CWC27: variants seen among roughly 807,000 people sequenced by gnomAD.
CWC27 encodes the protein CWC27 spliceosome associated cyclophilin.
A neutral mutation model predicts 63.6 loss-of-function variants in CWC27; 47 were observed. The observed-to-expected ratio is 0.74, with a 90% CI of 0.58 to 0.94. CWC27 has a LOEUF of 0.94. Among genes scored for constraint, CWC27 ranks in the 40% least tolerant of loss-of-function variants. CWC27 has a pLI of 0.00. For synonymous variants in CWC27, 175 were observed against 179.8 expected, an observed-to-expected ratio of 0.97 and a Z score of 0.22; for missense variants, 495 against 554.3, an observed-to-expected ratio of 0.89 and a Z score of 1.07.
At chr5:64,825,485 A>G (rs1219544000) in intron 10 of CWC27, among the ~76,000 whole-genome samples, 6 of 152,182 alleles carry the variant, frequency 3.9e-5, no homozygotes. Flanking sequence ...GATCTGTATT[A>G]GTATGGCTTG....
intron 11 of CWC27, among the ~76,000 whole-genome samples, chr5:64,896,206 T>C (rs1213488484): frequency 6.6e-6 from 1 of 152,178 alleles, no homozygotes; most frequent in Admixed American, 6.5e-5. Context: ...AGGCAGAATC[T>C]TATTTTCAAT....
chr5:64,777,283 G>A (rs1743491025), intron 2 of CWC27, among the ~76,000 whole-genome samples: 1 of 151,894 alleles, frequency 6.6e-6, no homozygotes, highest in Admixed American at 6.6e-5. Flanking sequence ...TAATTCTTTA[G>A]AGTGACAAAT....
chr5:64,949,619 G>A, intron 11 of CWC27, among the ~76,000 whole-genome samples: 1 of 151,874 alleles, frequency 6.6e-6, no homozygotes, highest in East Asian at 1.9e-4. Flanking sequence ...GGTATGCAAG[G>A]CCCTATATGG....
At chr5:64,772,101 G>A (rs76965692) in intron 1 of CWC27, among the ~76,000 whole-genome samples, 4,098 of 152,182 alleles carry the variant, frequency 0.027, 184 homozygotes, top group African/African-American at 0.093. Context: ...GATAGTGTGC[G>A]CAAGGTAACA....
At chr5:64,968,646 T>C (rs1248269727) in intron 11 of CWC27, among the ~76,000 whole-genome samples, 1 of 152,050 alleles carries the variant, frequency 6.6e-6, no homozygotes, top group African/African-American at 2.4e-5. Flanking sequence ...ATGGCAAAAA[T>C]GTGGTGCCAG....
chr5:64,804,114 T>TA (rs200513803), intron 9 of CWC27, 115 bp from the exon 10 acceptor site: 171,742 of 752,930 alleles, frequency 0.23, 6,599 homozygotes, highest in East Asian at 0.37. Context: ...GAAAACAAAA[T>TA]AAAAAAAAAA....
At position 64,980,399 on chromosome 5, in the gene CWC27, TGA is replaced by T. The variant is rs1251007908; in HGVS notation, c.1256+3162_1256+3163del. Among the ~76,000 whole-genome samples the T allele has an allele frequency of 6.6e-5, 10 of 152,332 alleles. No homozygotes were observed. The East Asian group carries it at 1.9e-3, about 29-fold the overall frequency. ...ATATGCCAAATTGGGTTTGGTTAGA[TGA>T]AGCTTGGTGAGCTCCCAAAAAAGTT... On this transcript the variant is annotated intron_variant, in intron 13 of 13. Transcript: ENST00000381070.
At chr5:64,873,010 T>G (rs1261381319) in intron 10 of CWC27, among the ~76,000 whole-genome samples, 1 of 152,168 alleles carries the variant, frequency 6.6e-6, no homozygotes, top group Admixed American at 6.5e-5. Context: ...TTAATATTTT[T>G]CCTAATGACT....
At chr5:64,896,778 A>C (rs1747387022) in intron 11 of CWC27, among the ~76,000 whole-genome samples, 1 of 152,306 alleles carries the variant, frequency 6.6e-6, no homozygotes, top group East Asian at 1.9e-4. Context: ...CATGAGAGAT[A>C]GGAGAAATAA....
intron 10 of CWC27, among the ~76,000 whole-genome samples, chr5:64,874,393 C>T (rs1746746185): frequency 6.6e-6 from 1 of 151,548 alleles, no homozygotes; most frequent in Non-Finnish European, 1.5e-5. Flanking sequence ...AACTCCTGAC[C>T]TCGTTCGTGA....
At chr5:65,004,851 A>C (rs72647209) in intron 13 of CWC27, among the ~76,000 whole-genome samples, 1 of 110,740 alleles carries the variant, frequency 9.0e-6, no homozygotes, top group African/African-American at 3.4e-5. Flanking sequence ...TTCAGAGGGA[A>C]AGACTTTTTC....
intron 10 of CWC27, among the ~76,000 whole-genome samples, chr5:64,807,066 C>G (rs1744702877): frequency 1.3e-5 from 2 of 152,124 alleles, no homozygotes; most frequent in African/African-American, 4.8e-5. Context: ...AGTGTGATAT[C>G]ATTATCTATT....
rs372074217 is a variant in CWC27, at chr5:64,980,911, G to A, written c.1256+3673G>A. On this transcript the variant is annotated intron_variant, in intron 13 of 13. Coordinates refer to ENST00000381070, the MANE Select transcript of CWC27 (RefSeq NM_005869.4). ...GTTTGAGACCAGCCTGGCCAACATGGCGAAACCCCATCTCTACTAAAAGTA... is the reference window on the plus strand; with the variant it reads ...GTTTGAGACCAGCCTGGCCAACATGACGAAACCCCATCTCTACTAAAAGTA... Among the ~76,000 whole-genome samples the A allele has an allele frequency of 4.5e-4, 68 of 152,256 alleles. No homozygotes were observed. In the South Asian group the frequency reaches 0.014, roughly 31 times the overall value.
intron 4 of CWC27, 40 bp downstream of exon 4, chr5:64,784,019 G>T (rs958509793): frequency 8.0e-6 from 12 of 1,501,848 alleles, no homozygotes; most frequent in Admixed American, 4.6e-5. Flanking sequence ...TTCAGTTTTT[G>T]GTTTTATGTT....
chr5:64,848,560 G>T (rs962985298), intron 10 of CWC27, among the ~76,000 whole-genome samples: 2 of 152,068 alleles, frequency 1.3e-5, no homozygotes, highest in African/African-American at 2.4e-5. Flanking sequence ...GTCAATATTC[G>T]TGATGAGCAT....
intron 11 of CWC27, among the ~76,000 whole-genome samples, chr5:64,936,990 TTTC>T (rs1397632648): frequency 6.6e-6 from 1 of 152,212 alleles, no homozygotes; most frequent in Non-Finnish European, 1.5e-5. Context: ...TCTTCTCTTT[TTTC>T]TTCTTTATTA....
intron 11 of CWC27, among the ~76,000 whole-genome samples, chr5:64,954,695 T>C (rs1412373070): frequency 7.2e-6 from 1 of 138,614 alleles, no homozygotes; most frequent in African/African-American, 3.2e-5. Context: ...TATATATATA[T>C]GCATATAGAA....
intron 11 of CWC27, among the ~76,000 whole-genome samples, chr5:64,920,110 C>A (rs1372293942): frequency 6.6e-6 from 1 of 152,026 alleles, no homozygotes; most frequent in Non-Finnish European, 1.5e-5. Flanking sequence ...GGATTACAGG[C>A]ACCCGCCATC....
intron 11 of CWC27, among the ~76,000 whole-genome samples, chr5:64,888,556 AAT>A (rs1349964583): frequency 6.8e-6 from 1 of 147,782 alleles, no homozygotes; most frequent in East Asian, 1.9e-4. Context: ...TATTATATAA[AAT>A]ATATTTATAA....
Sources: allele counts gnomAD v4.1 joint callset (sites outside exome capture counted in the v4.1 genomes callset), GRCh38; gene constraint gnomAD v4.1.1; transcripts MANE v1.5; gene names NCBI Gene and HGNC (gene_info 2026-07-23, HGNC 2026-07-21).